Variants in KAZN observed in about 807,000 individuals in gnomAD.
KAZN encodes kazrin.
Under a neutral mutation model 87.4 loss-of-function variants are expected in KAZN, and 40 were observed. That is an observed-to-expected ratio of 0.46 (90% CI 0.36 to 0.60). KAZN has a LOEUF of 0.60. Among genes scored for constraint, KAZN ranks in the 20% least tolerant of loss-of-function variants. The pLI, the probability that KAZN is intolerant of heterozygous loss-of-function variation, is 0.00. For missense variants in KAZN, 898 were observed against 1,073.9 expected (o/e 0.84, Z 2.29); for synonymous variants, 466 against 458.3 (o/e 1.02, Z -0.22).
intron 1 of KAZN, among the ~76,000 whole-genome samples, chr1:14,860,761 T>C (rs1650744628): frequency 6.6e-6 from 1 of 152,248 alleles, no homozygotes; most frequent in Non-Finnish European, 1.5e-5. Flanking sequence ...TGGAGTTTAA[T>C]TGTGTTCTCA....
intron 1 of KAZN, among the ~76,000 whole-genome samples, chr1:14,922,453 C>T (rs941859957): frequency 6.6e-6 from 1 of 152,132 alleles, no homozygotes; most frequent in Non-Finnish European, 1.5e-5. Context: ...TTTCCTTCCT[C>T]CTGGAAAAGT....
intron 1 of KAZN, among the ~76,000 whole-genome samples, chr1:14,022,292 T>C (rs183717665): frequency 9.8e-4 from 149 of 151,982 alleles, no homozygotes; most frequent in Admixed American, 1.4e-3. Context: ...TGGTTTAAAA[T>C]CTTTTTTGAT....
At chr1:14,392,388 G>A (rs999578281) in intron 2 of KAZN, among the ~76,000 whole-genome samples, 1 of 152,172 alleles carries the variant, frequency 6.6e-6, no homozygotes, top group Non-Finnish European at 1.5e-5. Context: ...TTGATTGTCA[G>A]AAGTGGTGCC....
intron 2 of KAZN, among the ~76,000 whole-genome samples, chr1:14,211,139 C>A (rs1646845031): frequency 6.6e-6 from 1 of 152,200 alleles, no homozygotes; most frequent in Non-Finnish European, 1.5e-5. Flanking sequence ...CTCATACACC[C>A]AAATTGCAGA....
At chr1:14,745,309 G>GCTT (rs1290084989) in intron 1 of KAZN, among the ~76,000 whole-genome samples, 2 of 151,614 alleles carry the variant, frequency 1.3e-5, no homozygotes, top group African/African-American at 4.8e-5. Flanking sequence ...TAACAAAAGG[G>GCTT]CTTCTCTGCA....
intron 1 of KAZN, among the ~76,000 whole-genome samples, chr1:14,086,357 G>A (rs1643854478): frequency 6.6e-6 from 1 of 151,922 alleles, no homozygotes; most frequent in South Asian, 2.1e-4. Flanking sequence ...CCTCCCCCAG[G>A]TCTCCCCCAA....
chr1:15,066,560 GA>G lies in KAZN; in HGVS notation c.1222+815del, dbSNP rs1219985868. 8.1e-6 allele frequency: 8 copies of G among 983,694 alleles called. No individual in the cohort carries two copies. The African/African-American group carries it at 1.1e-4, about 13-fold the overall frequency. The allele number at this position is 983,694 out of a possible 1,614,324, so 60.9% of individuals were successfully genotyped here. ...ATTGCATTGCCGTTTCTTTCTTTATGAAAAAAAAGAAAAAAAGAAAATTGTT... is the reference window on the plus strand; with the variant it reads ...ATTGCATTGCCGTTTCTTTCTTTATGAAAAAAAGAAAAAAAGAAAATTGTT... On this transcript the variant is annotated intron_variant, in intron 8 of 14. Coordinates refer to ENST00000376030, the MANE Select transcript of KAZN (RefSeq NM_201628.3). This position sits in a 1 kb window ranked among gnomAD's most constrained non-coding sequence, Gnocchi z 4.3.
intron 2 of KAZN, among the ~76,000 whole-genome samples, chr1:14,540,475 G>A (rs919013803): frequency 6.6e-6 from 1 of 152,196 alleles, no homozygotes; most frequent in African/African-American, 2.4e-5. Flanking sequence ...CTCTCAGGCT[G>A]AGTGATGCAA....
chr1:14,635,975 T>A (rs1261746536), intron 1 of KAZN, among the ~76,000 whole-genome samples: 1 of 152,230 alleles, frequency 6.6e-6, no homozygotes. Flanking sequence ...TCTGTGGGCA[T>A]ATGGAAAATC....
chr1:14,900,784 C>A (rs150124541), intron 1 of KAZN, among the ~76,000 whole-genome samples: 22 of 151,604 alleles, frequency 1.5e-4, no homozygotes, highest in Middle Eastern at 3.4e-3. Context: ...ATGATCTCAC[C>A]CACAGAAAGG....
At chr1:13,916,643 G>A (rs571544753) in intron 1 of KAZN, among the ~76,000 whole-genome samples, 17 of 152,326 alleles carry the variant, frequency 1.1e-4, no homozygotes, top group Admixed American at 1.1e-3. Context: ...CACAGAGCAT[G>A]TTGTGAAGGG....
intron 1 of KAZN, among the ~76,000 whole-genome samples, chr1:14,926,859 T>A (rs572679686): frequency 5.6e-4 from 85 of 152,202 alleles, no homozygotes; most frequent in Middle Eastern, 3.4e-3. Flanking sequence ...CCCTGTTGGA[T>A]GGGAGAGTCT....
At chr1:14,865,062 C>T (rs1651300282) in intron 1 of KAZN, among the ~76,000 whole-genome samples, 1 of 152,120 alleles carries the variant, frequency 6.6e-6, no homozygotes, top group Admixed American at 6.5e-5. Context: ...TTTCCCCGTC[C>T]AAAATGGATT....
chr1:14,061,286 G>A (rs544429467), intron 1 of KAZN, among the ~76,000 whole-genome samples: 4 of 152,284 alleles, frequency 2.6e-5, no homozygotes, highest in Non-Finnish European at 5.9e-5. Context: ...GGGGAGGGAG[G>A]TGTTGAGGAA....
chr1:14,249,885 C>T (rs1165904694), intron 2 of KAZN, among the ~76,000 whole-genome samples: 1 of 149,582 alleles, frequency 6.7e-6, no homozygotes, highest in East Asian at 2.0e-4. Flanking sequence ...AAAACAGATA[C>T]CCCTTAGGCA....
chr1:14,049,139 A>C (rs1642201101), intron 1 of KAZN, among the ~76,000 whole-genome samples: 1 of 152,356 alleles, frequency 6.6e-6, no homozygotes, highest in Admixed American at 6.5e-5. Context: ...GCAGCCATAA[A>C]AAATGATGAG....
rs796344365 is a variant in KAZN, at chr1:14,857,490, G to A, written c.227-103194G>A. 1.6e-4 allele frequency among the ~76,000 whole-genome samples: 25 copies of A among 152,078 alleles called. No homozygotes were observed. In the South Asian group the frequency reaches 1.9e-3, roughly 11 times the overall value. The stretch of plus-strand genomic sequence containing the variant: ...TGAGGGTGCAGTGAGCCGAGATCGC[G>A]CCACTCTACTCCAGCCTAGGTGACA... On this transcript the variant is annotated intron_variant, in intron 1 of 14. Transcript: ENST00000376030.
chr1:14,651,074 A>G (rs907303948), intron 1 of KAZN, among the ~76,000 whole-genome samples: 5 of 152,246 alleles, frequency 3.3e-5, no homozygotes, highest in Admixed American at 2.6e-4. Context: ...TCAACCCAAG[A>G]GCATCATTAA....
intron 2 of KAZN, among the ~76,000 whole-genome samples, chr1:14,500,253 C>T (rs1470128140): frequency 6.6e-6 from 1 of 152,142 alleles, no homozygotes; most frequent in Non-Finnish European, 1.5e-5. Context: ...ATATCCTACG[C>T]TGGCATGTCA....
Sources: gnomAD v4.1 joint callset for allele counts (sites outside exome capture counted in the v4.1 genomes callset) on GRCh38, gnomAD v4.1.1 for gene constraint, Gnocchi (gnomAD v3.1) non-coding constraint, MANE v1.5 for transcripts, NCBI Gene and HGNC (gene_info 2026-07-23, HGNC 2026-07-21) for gene names.